RNF217: variants seen among roughly 807,000 people sequenced by gnomAD.
The protein encoded by RNF217 is ring finger protein 217, also known as E3 ubiquitin-protein ligase RNF217.
A neutral mutation model predicts 57.8 loss-of-function variants in RNF217; 31 were observed. The observed-to-expected ratio is 0.54, with a 90% confidence interval of 0.40 to 0.72. The LOEUF (loss-of-function observed/expected upper bound fraction) is 0.72, where lower values mean the gene tolerates loss of function less well. Among genes scored for constraint, RNF217 ranks in the 30% least tolerant of loss-of-function variants. The pLI is 0.00. For missense variants in RNF217, 696 were observed against 708.3 expected (o/e 0.98, Z 0.20); for synonymous variants, 313 against 294.0 (o/e 1.06, Z -0.66).
At chr6:125,082,294 T>A (rs1354239886) in intron 5 of RNF217, among the ~76,000 whole-genome samples, 2 of 151,826 alleles carry the variant, frequency 1.3e-5, no homozygotes, top group African/African-American at 4.9e-5. Context: ...TTAGATGGGG[T>A]TTTTTTGCTA....
chr6:124,992,347 T>C (rs1330910006), intron 1 of RNF217, among the ~76,000 whole-genome samples: 1 of 152,122 alleles, frequency 6.6e-6, no homozygotes, highest in East Asian at 1.9e-4. Flanking sequence ...TTAAAACATG[T>C]TTTCTATTCC....
intron 1 of RNF217, 57 bp downstream of exon 1, chr6:124,963,483 C>G: frequency 7.0e-7 from 1 of 1,428,810 alleles, no homozygotes; most frequent in Non-Finnish European, 9.1e-7. Context: ...GCGAGGAGGT[C>G]CTGCTCTCGA....
intron 2 of RNF217, among the ~76,000 whole-genome samples, chr6:125,052,946 G>T (rs1275195132): frequency 6.6e-6 from 1 of 152,016 alleles, no homozygotes; most frequent in African/African-American, 2.4e-5. Context: ...TCCATTTATT[G>T]TACACTTAGC....
chr6:124,992,854 T>A (rs2115047806), intron 1 of RNF217, among the ~76,000 whole-genome samples: 1 of 152,230 alleles, frequency 6.6e-6, no homozygotes. Flanking sequence ...AATTTATCCT[T>A]AGTTGCTTAT....
intron 1 of RNF217, among the ~76,000 whole-genome samples, chr6:125,001,747 C>T (rs1283620721): frequency 6.6e-6 from 1 of 152,186 alleles, no homozygotes; most frequent in East Asian, 1.9e-4. Flanking sequence ...TGAAATCCTT[C>T]ATGCATCACT....
intron 1 of RNF217, among the ~76,000 whole-genome samples, chr6:125,032,466 A>AATAT (rs201239570): frequency 6.6e-6 from 1 of 151,200 alleles, no homozygotes; most frequent in African/African-American, 2.4e-5. Context: ...CAAATATATA[A>AATAT]ATATATATAT....
chr6:125,077,006 T>A, intron 4 of RNF217, 148 bp downstream of exon 4: 1 of 705,914 alleles, frequency 1.4e-6, no homozygotes. Context: ...AAGAATAAAA[T>A]TTAAAACTTA....
intron 1 of RNF217, among the ~76,000 whole-genome samples, chr6:125,022,866 T>C (rs947805528): frequency 3.9e-5 from 6 of 152,108 alleles, no homozygotes; most frequent in Non-Finnish European, 8.8e-5. Context: ...CCTTGAGTTT[T>C]CTGTAGCTAG....
At chr6:125,045,906 T>A (rs985966605) in intron 2 of RNF217, among the ~76,000 whole-genome samples, 1 of 151,956 alleles carries the variant, frequency 6.6e-6, no homozygotes, top group Non-Finnish European at 1.5e-5. Flanking sequence ...TGTGCTAAAT[T>A]TGGGGGCTAT....
intron 1 of RNF217, among the ~76,000 whole-genome samples, chr6:125,028,300 C>T (rs1418064588): frequency 6.6e-6 from 1 of 152,082 alleles, no homozygotes; most frequent in Non-Finnish European, 1.5e-5. Context: ...GAACAACACA[C>T]AAAGATAATT....
rs773298345 is a variant in RNF217, at chr6:125,054,706, C to T, written c.1117-3236C>T. Among the ~76,000 whole-genome samples the T allele has an allele frequency of 1.6e-4, 24 of 152,232 alleles. No homozygotes were observed. In the East Asian group the frequency reaches 4.1e-3, roughly 26 times the overall value. On this transcript the variant is annotated intron_variant, in intron 2 of 5. Transcript: ENST00000521654. ...CTGGTCCAATAAATTGTGGCCTGGGCGATGCAGTCACATGGTATAGAGCAG... is the reference window on the plus strand; with the variant it reads ...CTGGTCCAATAAATTGTGGCCTGGGTGATGCAGTCACATGGTATAGAGCAG...
chr6:124,983,401 T>G, intron 1 of RNF217: 4 of 984,982 alleles, frequency 4.1e-6, no homozygotes, highest in Non-Finnish European at 4.8e-6. Flanking sequence ...ATGAGAAGAT[T>G]AAGGTAGAGA....
Position 125,091,871 on chromosome 6 carries a change from AAT to A in RNF217, c.*8937_*8938del, listed in dbSNP as rs1788963045. On this transcript the variant is annotated 3_prime_UTR_variant, in exon 6 of 6. Transcript: ENST00000521654. ...TTATCAACATCAACCCTGTTTATATAATATGTTATTTTGCTCTTCTTGATCTG... is the reference window on the plus strand; with the variant it reads ...TTATCAACATCAACCCTGTTTATATAATGTTATTTTGCTCTTCTTGATCTG... 1 of 152,128 alleles carries A rather than the reference AAT, an allele frequency of 6.6e-6. No individual in the cohort carries two copies. Among genetic ancestry groups the A allele is most frequent in the South Asian group, 2.1e-4 (1 of 4,828 alleles). 9.4% of individuals were successfully genotyped at this position (152,128 alleles called of 1,614,324 possible).
At chr6:125,016,753 G>A (rs1383080545) in intron 1 of RNF217, among the ~76,000 whole-genome samples, 1 of 151,706 alleles carries the variant, frequency 6.6e-6, no homozygotes, top group African/African-American at 2.4e-5. Flanking sequence ...GTGGACACAG[G>A]GAGGGGAACA....
chr6:125,026,129 G>A (rs922580638), intron 1 of RNF217, among the ~76,000 whole-genome samples: 1 of 152,124 alleles, frequency 6.6e-6, no homozygotes, highest in Non-Finnish European at 1.5e-5. Context: ...ATCCAAAAAT[G>A]TATTACCTGC....
intron 1 of RNF217, among the ~76,000 whole-genome samples, chr6:124,986,545 C>T (rs1784368490): frequency 6.6e-6 from 1 of 152,170 alleles, no homozygotes; most frequent in Admixed American, 6.5e-5. Flanking sequence ...CATGCTTAAT[C>T]ATTTCAAATA....
intron 1 of RNF217, among the ~76,000 whole-genome samples, chr6:124,991,511 G>T (rs1440308302): frequency 6.6e-6 from 1 of 152,050 alleles, no homozygotes; most frequent in Admixed American, 6.6e-5. Context: ...TTCTAATAAT[G>T]ATGTGTTTTA....
intron 1 of RNF217, among the ~76,000 whole-genome samples, chr6:124,999,451 T>A (rs1289877561): frequency 1.3e-5 from 2 of 152,170 alleles, no homozygotes; most frequent in African/African-American, 4.8e-5. Context: ...ATACAATTGA[T>A]CTTTACCTTT....
chr6:125,018,877 G>A (rs1157820758), intron 1 of RNF217, among the ~76,000 whole-genome samples: 1 of 152,102 alleles, frequency 6.6e-6, no homozygotes, highest in Non-Finnish European at 1.5e-5. Flanking sequence ...ACTGAAAGTA[G>A]GGAATCTATG....
Sources: gnomAD v4.1 joint callset for allele counts (sites outside exome capture counted in the v4.1 genomes callset) on GRCh38, gnomAD v4.1.1 for gene constraint, MANE v1.5 for transcripts, NCBI Gene and HGNC (gene_info 2026-07-23, HGNC 2026-07-21) for gene names.